Variants in SLC12A3 observed in about 807,000 individuals in gnomAD.
The protein encoded by SLC12A3 is Na-Cl cotransporter.
A neutral mutation model predicts 121.0 loss-of-function variants in SLC12A3; 104 were observed. That is an observed-to-expected ratio of 0.86 (90% confidence interval 0.73 to 1.01). SLC12A3 has a LOEUF of 1.01. SLC12A3 is among the 50% of genes least tolerant of loss of function. The pLI, the probability that SLC12A3 is intolerant of heterozygous loss-of-function variation, is 0.00. For synonymous variants in SLC12A3, 536 were observed against 533.4 expected (o/e 1.00, Z -0.07); for missense variants, 1,328 against 1,356.3 (o/e 0.98, Z 0.33).
chr16:56,886,454 G>C lies in SLC12A3; in HGVS notation c.2016G>C (p.Met672Ile). 6.2e-7 allele frequency: 1 copy of C among 1,613,972 alleles called. No individual in the cohort carries two copies. The highest frequency in any genetic ancestry group is 8.5e-7 in the Non-Finnish European group (1 of 1,180,008). ...CCTTCACCCGGAACCTCAGCCTGAT[G>C]ATCTGTGGCCACGTGCTCATCGTGA... ...VGTFTRNLSLMICGHVLIGPH... is the reference protein window; with the variant it reads ...VGTFTRNLSLIICGHVLIGPH... The change falls in exon 16 of 26, where the codon ATG (methionine) becomes ATC (isoleucine). Residue 672 changes from methionine to isoleucine, a missense_variant. Transcript: ENST00000563236.
intron 21 of SLC12A3, among the ~76,000 whole-genome samples, chr16:56,893,588 C>T (rs771275098): frequency 5.3e-5 from 8 of 152,128 alleles, no homozygotes; most frequent in African/African-American, 1.4e-4. Flanking sequence ...TGATTAACTC[C>T]GCTTTATAAA....
intron 25 of SLC12A3, among the ~76,000 whole-genome samples, chr16:56,908,168 T>C (rs2055634105): frequency 6.9e-6 from 1 of 144,752 alleles, no homozygotes; most frequent in African/African-American, 2.6e-5. Context: ...TAACTTTTTT[T>C]TTTTTTTTTT....
chr16:56,877,980 C>T, intron 8 of SLC12A3, 97 bp from the exon 9 acceptor site: 2 of 736,784 alleles, frequency 2.7e-6, no homozygotes, highest in Non-Finnish European at 4.5e-6. Flanking sequence ...ACAAGGAGGA[C>T]AGGCCTGGAA....
chr16:56,876,780 T>G (rs72786756), intron 8 of SLC12A3, among the ~76,000 whole-genome samples: 2,116 of 151,460 alleles, frequency 0.014, 20 homozygotes, highest in Non-Finnish European at 0.023. Flanking sequence ...GCTGGGGGGG[T>G]TTATAAATTG....
intron 8 of SLC12A3, among the ~76,000 whole-genome samples, chr16:56,874,736 C>T (rs1181941810): frequency 6.6e-6 from 1 of 152,162 alleles, no homozygotes; most frequent in Non-Finnish European, 1.5e-5. Context: ...ACCCGGAAGG[C>T]GGAGGTTGCA....
At chr16:56,872,231 T>C (rs1175059108) in intron 6 of SLC12A3, 120 bp from the exon 7 acceptor site, 6 of 724,794 alleles carry the variant, frequency 8.3e-6, no homozygotes, top group Non-Finnish European at 1.5e-5. Context: ...ATAATGGGTG[T>C]TGAATGAATG....
At position 56,879,578 on chromosome 16, in the gene SLC12A3, AC is replaced by A; in HGVS notation, c.1373del (p.Thr458ArgfsTer34). ...SMVSGFAPLITAGIFGATLSS... is the reference protein window; with the variant it reads ...SMVSGFAPLIXAGIFGATLSS... ...GGTGTCAGGCTTCGCGCCCCTGATC[AC>A]GGCTGGCATCTTCGGGGCCACCCTC... On this transcript the variant is annotated frameshift_variant, in exon 11 of 26. Coordinates refer to ENST00000563236, the MANE Select transcript of SLC12A3 (RefSeq NM_001126108.2). LOFTEE classifies it high-confidence loss of function. The A allele has an allele frequency of 6.2e-7, 1 of 1,613,754 alleles. No individual in the cohort carries two copies. The highest frequency in any genetic ancestry group is 8.5e-7 in the Non-Finnish European group (1 of 1,179,968).
chr16:56,886,996 A>G lies in SLC12A3; in HGVS notation c.2081A>G (p.Asn694Ser), dbSNP rs1316094335. The change falls in exon 17 of 26, where the codon AAC (asparagine) becomes AGC (serine). Residue 694 changes from asparagine to serine, a missense_variant. Coordinates refer to ENST00000563236, the MANE Select transcript of SLC12A3 (RefSeq NM_001126108.2). ...ATGCCTGAGCTCCAGCTCATCGCCAACGGGCACACCAAGTGGCTGAACAAG... is the reference window on the plus strand; with the variant it reads ...ATGCCTGAGCTCCAGCTCATCGCCAGCGGGCACACCAAGTGGCTGAACAAG... ...QRMPELQLIA[N>S]GHTKWLNKRK... 2.5e-6 allele frequency: 4 copies of G among 1,613,878 alleles called. No individual in the cohort carries two copies. The highest frequency in any genetic ancestry group is 1.1e-5 in the South Asian group (1 of 91,074).
At chr16:56,898,618 C>T (rs1397215301) in intron 22 of SLC12A3, among the ~76,000 whole-genome samples, 7 of 152,066 alleles carry the variant, frequency 4.6e-5, no homozygotes, top group Non-Finnish European at 1.0e-4. Context: ...CTGCCCCACC[C>T]GCTTTGGCCT....
In SLC12A3 at chr16:56,888,549, A is replaced by ATTT. The variant is rs749206626; in HGVS notation, c.2285+543_2285+545dup. ...GGGCCCAATGTTGCCAGATCTTTTAATTTTTTTTTTTTTTTTTTTTTTTTT... is the reference window on the plus strand; with the variant it reads ...GGGCCCAATGTTGCCAGATCTTTTAATTTTTTTTTTTTTTTTTTTTTTTTTTTT... On this transcript the variant is annotated intron_variant, in intron 18 of 25. Transcript: ENST00000563236. 7.7e-3 allele frequency among the ~76,000 whole-genome samples: 663 copies of ATTT among 85,926 alleles called. 70 individuals carry two copies. The highest frequency in any genetic ancestry group is 0.017 in the African/African-American group (355 of 21,178). 56.4% of individuals were successfully genotyped at this position (85,926 alleles called of 152,430 possible).
intron 8 of SLC12A3, among the ~76,000 whole-genome samples, chr16:56,874,574 G>A (rs1459308633): frequency 6.6e-6 from 1 of 152,236 alleles, no homozygotes; most frequent in Non-Finnish European, 1.5e-5. Flanking sequence ...GCCAGAGCAG[G>A]TGGATCACTT....
rs917057165 is a variant in SLC12A3 at position 56,904,160 on chromosome 16, A to C, written c.2857-235A>C. ...TCTACCCTGCTGGTTATGGTCATAA[A>C]GTCAGGCAAGGAAAAGCCACAGAAT... On this transcript the variant is annotated intron_variant, in intron 24 of 25. Coordinates refer to ENST00000563236, the MANE Select transcript of SLC12A3 (RefSeq NM_001126108.2). The C allele has an allele frequency of 1.4e-5, 7 of 493,856 alleles. No homozygotes were observed. In the Admixed American group the frequency reaches 1.9e-4, roughly 14 times the overall value. The allele number at this position is 493,856 out of a possible 1,614,324, so 30.6% of individuals were successfully genotyped here.
rs186544731 is a variant in SLC12A3, at chr16:56,870,273, G to A, written c.741+38G>A. The A allele has an allele frequency of 6.5e-4, 1,049 of 1,602,286 alleles. 6 individuals carry two copies. The African/African-American group carries it at 0.011, about 16-fold the overall frequency. On this transcript the variant is annotated intron_variant, in intron 5 of 25. Coordinates refer to ENST00000563236, the MANE Select transcript of SLC12A3 (RefSeq NM_001126108.2). ...GGCTGGACCCTGGGTAGAGGGATCC[G>A]GGCAGCCCATTGCACTCTCCTCCGC...
At chr16:56,897,201 G>A (rs1955305001) in intron 22 of SLC12A3, among the ~76,000 whole-genome samples, 1 of 152,226 alleles carries the variant, frequency 6.6e-6, no homozygotes, top group South Asian at 2.1e-4. Context: ...GTCGGCAGGT[G>A]GAATTGGGCA....
intron 25 of SLC12A3, among the ~76,000 whole-genome samples, chr16:56,910,717 G>A (rs541662030): frequency 1.3e-5 from 2 of 152,266 alleles, no homozygotes; most frequent in East Asian, 1.9e-4. Flanking sequence ...AAGCAACTTG[G>A]CCAGGGTCTT....
intron 10 of SLC12A3, 50 bp from the exon 11 acceptor site, chr16:56,879,492 C>G (rs755347339): frequency 2.0e-6 from 3 of 1,466,340 alleles, no homozygotes; most frequent in Non-Finnish European, 2.9e-6. Context: ...CAGATGGGGG[C>G]TCCTGGCTCA....
intron 22 of SLC12A3, among the ~76,000 whole-genome samples, chr16:56,894,854 G>A (rs1181010197): frequency 6.6e-6 from 1 of 152,138 alleles, no homozygotes; most frequent in Non-Finnish European, 1.5e-5. Flanking sequence ...CTGGTTTCCT[G>A]CCCCCTTCAA....
Position 56,872,351 on chromosome 16 carries a change from G to A in SLC12A3, c.853G>A (p.Ala285Thr), listed in dbSNP as rs2055108403. 2 of 1,612,264 alleles carry A rather than the reference G, an allele frequency of 1.2e-6. No individual in the cohort carries two copies. The highest frequency in any genetic ancestry group is 1.7e-6 in the Non-Finnish European group (2 of 1,178,676). The change falls in exon 7 of 26, where the codon GCC becomes ACC. Residue 285 changes from alanine to threonine, a missense_variant and splice_region_variant. Ala to Thr is a moderately conservative substitution (Grantham distance 58, BLOSUM62 0). Transcript: ENST00000563236. ...CTCTGGGGTCCTTCGCCCCCTCCAG[G>A]CCCAGGTGCTGTTCTTCCTTGTCAT... is the stretch of plus-strand genomic sequence containing the variant. ...SLAGMEWESKAQVLFFLVIMV... is the reference protein window; with the variant it reads ...SLAGMEWESKTQVLFFLVIMV...
intron 22 of SLC12A3, 111 bp from the exon 23 acceptor site, chr16:56,899,419 G>A (rs534091059): frequency 1.0e-3 from 845 of 817,106 alleles, no homozygotes; most frequent in Non-Finnish European, 1.6e-3. Flanking sequence ...AACCTGGGAG[G>A]CAGAGGTTGC....
Sources: gnomAD v4.1 joint callset for allele counts (sites outside exome capture counted in the v4.1 genomes callset) on GRCh38, gnomAD v4.1.1 for gene constraint, MANE v1.5 for transcripts, NCBI Gene and HGNC (gene_info 2026-07-23, HGNC 2026-07-21) for gene names.